TBC1D32: variants seen among roughly 807,000 people sequenced by gnomAD.
TBC1D32 encodes the protein TBC1 domain family member 32, also known as protein broad-minded.
Under a neutral mutation model 170.3 loss-of-function variants are expected in TBC1D32, and 151 were observed. The observed-to-expected ratio is 0.89, with a 90% CI of 0.78 to 1.01. TBC1D32 has a LOEUF of 1.01. Ranked by LOEUF, TBC1D32 falls within the 50% of genes least tolerant of loss-of-function variation. The pLI, the probability that TBC1D32 is intolerant of heterozygous loss-of-function variation, is 0.00. For missense variants in TBC1D32, 1,464 were observed against 1,457.1 expected (o/e 1.00, Z -0.08); for synonymous variants, 498 against 488.0 (o/e 1.02, Z -0.27).
chr6:121,192,084 C>CT (rs1562844877), intron 22 of TBC1D32, among the ~76,000 whole-genome samples: 1 of 126,342 alleles, frequency 7.9e-6, no homozygotes, highest in Non-Finnish European at 1.5e-5. Flanking sequence ...ATATATATAT[C>CT]CTATTAGTTC....
intron 10 of TBC1D32, among the ~76,000 whole-genome samples, chr6:121,296,267 A>G (rs754396348): frequency 1.3e-5 from 2 of 152,080 alleles, no homozygotes; most frequent in Non-Finnish European, 2.9e-5. Flanking sequence ...GTATCCTTTC[A>G]TTGTTATAAA....
intron 12 of TBC1D32, among the ~76,000 whole-genome samples, chr6:121,285,764 C>A (rs967821545): frequency 6.6e-6 from 1 of 152,246 alleles, no homozygotes. Context: ...ACACCTCACA[C>A]GGCCAGGTAC....
intron 31 of TBC1D32, among the ~76,000 whole-genome samples, chr6:121,083,380 C>G (rs140352109): frequency 1.1e-3 from 166 of 152,104 alleles, no homozygotes; most frequent in African/African-American, 3.8e-3. Context: ...TTTGTTGTAT[C>G]TAATGCTAAT....
intron 22 of TBC1D32, among the ~76,000 whole-genome samples, chr6:121,171,547 G>A (rs2128254275): frequency 6.6e-6 from 1 of 152,050 alleles, no homozygotes; most frequent in Middle Eastern, 3.4e-3. Flanking sequence ...TGCACTGAAT[G>A]TTTTATATGT....
At chr6:121,205,582 CA>C (rs1792144068) in intron 21 of TBC1D32, among the ~76,000 whole-genome samples, 1 of 152,216 alleles carries the variant, frequency 6.6e-6, no homozygotes, top group Non-Finnish European at 1.5e-5. Flanking sequence ...AACAACGGAT[CA>C]AAATGTTGTA....
intron 15 of TBC1D32, among the ~76,000 whole-genome samples, chr6:121,259,276 C>T (rs983628346): frequency 1.3e-5 from 2 of 151,834 alleles, no homozygotes; most frequent in Non-Finnish European, 2.9e-5. Flanking sequence ...CCAACCTGGG[C>T]GGCAGACTGA....
intron 9 of TBC1D32, among the ~76,000 whole-genome samples, chr6:121,301,074 A>G (rs1274795521): frequency 1.3e-5 from 2 of 151,542 alleles, no homozygotes; most frequent in African/African-American, 2.4e-5. Context: ...AAATGGGAAC[A>G]CTTTTACACT....
chr6:121,197,147 A>T (rs1790837776), intron 22 of TBC1D32, among the ~76,000 whole-genome samples: 2 of 152,202 alleles, frequency 1.3e-5, no homozygotes, highest in Non-Finnish European at 2.9e-5. Flanking sequence ...ATCAAGACGA[A>T]ATCAGTCTAC....
Position 121,239,084 on chromosome 6 carries a change from G to C in TBC1D32, c.2350C>G (p.Arg784Gly). ...TAACTTCTTACCTTTTGACAGCTTC[G>C]GTCAATAGGATCCACTGGAGTAGTT... ...PRTTPVDPID[R>G]SCQKSFLALV... is the part of the protein sequence containing the mutation. The change falls in exon 20 of 32, where the codon CGA becomes GGA. Residue 784 changes from arginine (R) to glycine (G), a missense_variant. By Grantham distance (125) the Arg-to-Gly change is moderately radical. Coordinates refer to ENST00000398212, the MANE Select transcript of TBC1D32 (RefSeq NM_152730.6). 1 of 1,583,090 alleles carries C rather than the reference G, an allele frequency of 6.3e-7. No homozygotes were observed.
intron 29 of TBC1D32, among the ~76,000 whole-genome samples, chr6:121,112,137 A>G (rs977635023): frequency 2.0e-5 from 3 of 152,132 alleles, no homozygotes; most frequent in Admixed American, 2.0e-4. Flanking sequence ...CTAATAAATG[A>G]TTTTCTTATA....
chr6:121,105,711 A>T (rs972089321), intron 30 of TBC1D32, among the ~76,000 whole-genome samples: 1 of 152,006 alleles, frequency 6.6e-6, no homozygotes, highest in African/African-American at 2.4e-5. Flanking sequence ...AATGCTGGTA[A>T]GAATTCTTGC....
intron 22 of TBC1D32, among the ~76,000 whole-genome samples, chr6:121,169,400 C>A (rs1020736367): frequency 4.6e-5 from 7 of 152,064 alleles, no homozygotes; most frequent in Non-Finnish European, 7.4e-5. Flanking sequence ...CCTCCTTATA[C>A]CATATACAAA....
chr6:121,273,627 A>G (rs145741988), intron 15 of TBC1D32, among the ~76,000 whole-genome samples: 7,648 of 148,462 alleles, frequency 0.052, 357 homozygotes, highest in African/African-American at 0.12. Flanking sequence ...CCTAGAACTT[A>G]AAGTATAATT....
chr6:121,156,647 C>T lies in TBC1D32; in HGVS notation c.2773+3363G>A, dbSNP rs139142404. Among the ~76,000 whole-genome samples the T allele has an allele frequency of 1.8e-4, 28 of 152,030 alleles. 1 individual carries two copies. Among genetic ancestry groups the T allele is most frequent in the Admixed American group, 4.6e-4 (7 of 15,266 alleles). ...GTCTTTCTAACCTCTTGATGAAAGC[C>T]ATAGGACTATAAACTTATCTCTTAG... On this transcript the variant is annotated intron_variant, in intron 24 of 31. Coordinates refer to ENST00000398212, the MANE Select transcript of TBC1D32 (RefSeq NM_152730.6).
At chr6:121,234,656 CT>C (rs1378552663) in intron 20 of TBC1D32, among the ~76,000 whole-genome samples, 1 of 152,088 alleles carries the variant, frequency 6.6e-6, no homozygotes, top group Non-Finnish European at 1.5e-5. Flanking sequence ...TGGACTTCAT[CT>C]TTCTCTGATG....
intron 17 of TBC1D32, among the ~76,000 whole-genome samples, chr6:121,249,946 A>C (rs1798081208): frequency 6.6e-6 from 1 of 152,072 alleles, no homozygotes. Context: ...TCCCATAAAA[A>C]TACCACCATC....
chr6:121,280,846 C>G (rs1407695266), intron 14 of TBC1D32, among the ~76,000 whole-genome samples: 2 of 151,712 alleles, frequency 1.3e-5, no homozygotes, highest in Non-Finnish European at 3.0e-5. Context: ...AGTAAAAACA[C>G]CTCAAAATAG....
At chr6:121,177,397 A>C (rs1308897799) in intron 22 of TBC1D32, among the ~76,000 whole-genome samples, 1 of 152,120 alleles carries the variant, frequency 6.6e-6, no homozygotes, top group African/African-American at 2.4e-5. Context: ...TTTGCCTTCC[A>C]CCATGATTGG....
At chr6:121,317,746 AT>A (rs1197881158) in intron 2 of TBC1D32, 74 bp from the exon 3 acceptor site, 18 of 1,108,368 alleles carry the variant, frequency 1.6e-5, no homozygotes, top group South Asian at 5.8e-5. Context: ...AAATTATCTA[AT>A]TTTTTTTCTA....
Sources: allele counts gnomAD v4.1 joint callset (sites outside exome capture counted in the v4.1 genomes callset), GRCh38; gene constraint gnomAD v4.1.1; transcripts MANE v1.5; gene names NCBI Gene and HGNC (gene_info 2026-07-23, HGNC 2026-07-21).